KRT27: variants seen among roughly 807,000 people sequenced by gnomAD.
The protein encoded by KRT27 is keratin, type I cytoskeletal 27.
A neutral mutation model predicts 45.3 loss-of-function variants in KRT27; 30 were observed. The observed-to-expected ratio is 0.66, with a 90% CI of 0.50 to 0.90. The LOEUF is 0.90. Among genes scored for constraint, KRT27 ranks in the 40% least tolerant of loss-of-function variants. The pLI is 0.00. For synonymous variants in KRT27, 204 were observed against 223.9 expected, an observed-to-expected ratio of 0.91 and a Z score of 0.79; for missense variants, 610 against 564.3, an observed-to-expected ratio of 1.08 and a Z score of -0.82.
intron 3 of KRT27, 41 bp downstream of exon 3, chr17:40,780,259 T>C (rs770316660): frequency 4.5e-6 from 7 of 1,553,000 alleles, no homozygotes; most frequent in African/African-American, 1.4e-5. Flanking sequence ...TAAAATTTGG[T>C]AGGGAGGCGA....
intron 1 of KRT27, 139 bp downstream of exon 1, chr17:40,781,911 T>C: frequency 1.6e-6 from 1 of 644,962 alleles, no homozygotes; most frequent in Non-Finnish European, 2.6e-6. Flanking sequence ...TAGAAATTAT[T>C]TTTAATATTG....
chr17:40,777,422 C>T lies in KRT27; in HGVS notation c.1190+93G>A, dbSNP rs1185346496. Reference sequence around the variant, plus strand: ...TAACACTAAAAGAGTATTATCTATGCGTGATCTAGATCATAGATATTTTGT... The same window carrying T: ...TAACACTAAAAGAGTATTATCTATGTGTGATCTAGATCATAGATATTTTGT... On this transcript the variant is annotated intron_variant, in intron 6 of 7. Transcript: ENST00000301656. The T allele has an allele frequency of 6.6e-6, 10 of 1,508,674 alleles. No individual in the cohort carries two copies. The East Asian group carries it at 1.1e-4, about 17-fold the overall frequency. The allele number at this position is 1,508,674 out of a possible 1,614,324, so 93.5% of individuals were successfully genotyped here. A position where few individuals can be genotyped will look rare whatever the true frequency, so the allele number is the denominator to read the frequency against.
In KRT27 at chr17:40,777,750, A is replaced by G. The variant is rs138473510; in HGVS notation, c.973-18T>C. 65 of 1,612,204 alleles carry G rather than the reference A, an allele frequency of 4.0e-5. No homozygotes were observed. The highest frequency in any genetic ancestry group is 3.3e-4 in the Middle Eastern group (2 of 6,048). On this transcript the variant is annotated intron_variant, in intron 5 of 7. Transcript: ENST00000301656. ...GAGTGTTTCTGTAGTTTGGTAAGAC[A>G]TGGTTTAATAGAAAAGGTCACGGTG...
At chr17:40,781,565 G>A (rs1016699425) in intron 1 of KRT27, among the ~76,000 whole-genome samples, 3 of 152,220 alleles carry the variant, frequency 2.0e-5, no homozygotes, top group African/African-American at 7.2e-5. Context: ...AAGTAGCTGG[G>A]ATTACAGGCA....
chr17:40,781,057 C>A lies in KRT27; in HGVS notation c.527+131G>T, dbSNP rs150246417. ...TCAGCTAGTTACTCATTCTAACAGG[C>A]ATTTTGTTTAAAACAAATACATGAA... On this transcript the variant is annotated intron_variant, in intron 2 of 7. Transcript: ENST00000301656. 4.6e-3 allele frequency: 2,445 copies of A among 530,778 alleles called. 11 individuals carry two copies. The highest frequency in any genetic ancestry group is 5.5e-3 in the Non-Finnish European group (1,695 of 306,262). The allele number at this position is 530,778 out of a possible 1,614,324, so 32.9% of individuals were successfully genotyped here. A position where few individuals can be genotyped will look rare whatever the true frequency, so the allele number is the denominator to read the frequency against.
intron 5 of KRT27, among the ~76,000 whole-genome samples, chr17:40,778,189 A>G (rs2038280889): frequency 6.6e-6 from 1 of 152,248 alleles, no homozygotes; most frequent in Non-Finnish European, 1.5e-5. Context: ...TAAACGTTCC[A>G]TGAGTAGAAT....
intron 1 of KRT27, 41 bp from the exon 2 acceptor site, chr17:40,781,311 A>C: frequency 8.4e-7 from 1 of 1,184,188 alleles, no homozygotes; most frequent in East Asian, 2.3e-5. Context: ...GAAATATTTA[A>C]GATGCATTTC....
At position 40,782,362 on chromosome 17, in the gene KRT27, G is replaced by C. The variant is rs1390784533; in HGVS notation, c.132C>G (p.Gly44=). 4 of 1,613,994 alleles carry C rather than the reference G, an allele frequency of 2.5e-6. No homozygotes were observed. Among genetic ancestry groups the C allele is most frequent in the Non-Finnish European group, 3.4e-6 (4 of 1,180,032 alleles). ...AGCTGCCCCCAAAAGCACAAGAGAA[G>C]CCACTTCCAATGCCTGGCACACCGC... ...NTCGVPGIGS[G]FSCAFGGSSS... is the part of the protein sequence containing the mutation. Residue 44 remains glycine, a synonymous_variant, in exon 1 of 8, where the codon GGC becomes GGG. Coordinates refer to ENST00000301656, the MANE Select transcript of KRT27 (RefSeq NM_181537.4).
rs1490767569 is a variant in KRT27 at position 40,777,047 on chromosome 17, C to G, written c.1332G>C (p.Glu444Asp). 1 of 1,613,700 alleles carries G rather than the reference C, an allele frequency of 6.2e-7. No individual in the cohort carries two copies. Among genetic ancestry groups the G allele is most frequent in the Non-Finnish European group, 8.5e-7 (1 of 1,179,748 alleles). ...VLSSRVHTVE[E>D]KSTKVNNKNE... Reference sequence around the variant, plus strand: ...TCTTGTTGTTGACTTTGGTGGATTTCTCTTCCACAGTGTGAACTCTGGATG... The same window carrying G: ...TCTTGTTGTTGACTTTGGTGGATTTGTCTTCCACAGTGTGAACTCTGGATG... Residue 444 changes from glutamate (E) to aspartate (D), a missense_variant, in exon 8 of 8, where the codon GAG (glutamate) becomes GAC (aspartate). Glu to Asp is a conservative substitution (Grantham distance 45). Transcript: ENST00000301656.
intron 1 of KRT27, 43 bp from the exon 2 acceptor site, chr17:40,781,313 ATG>A: frequency 8.6e-7 from 1 of 1,162,250 alleles, no homozygotes; most frequent in Non-Finnish European, 1.3e-6. Context: ...AATATTTAAG[ATG>A]CATTTCAAAG....
chr17:40,777,964 T>A, intron 5 of KRT27: 1 of 540,978 alleles, frequency 1.8e-6, no homozygotes, highest in Non-Finnish European at 3.3e-6. Flanking sequence ...CCAGGTGTGC[T>A]AAAAAAGATG....
chr17:40,782,028 C>G, intron 1 of KRT27, 22 bp downstream of exon 1: 1 of 1,593,642 alleles, frequency 6.3e-7, no homozygotes. Context: ...AGTGCTAACA[C>G]TCACGCCATG....
rs974305827 is a variant in KRT27, at chr17:40,776,852, A to G, written c.*147T>C. ...CTTTTATTGAAACACCACCATAGAG[A>G]AAAAGCCAAAGAAATGGTACTATTC... On this transcript the variant is annotated 3_prime_UTR_variant, in exon 8 of 8. Transcript: ENST00000301656. The G allele has an allele frequency of 1.2e-5, 8 of 675,766 alleles. No individual in the cohort carries two copies. The highest frequency in any genetic ancestry group is 3.3e-5 in the Admixed American group (1 of 30,630). 41.9% of individuals were successfully genotyped at this position (675,766 alleles called of 1,614,324 possible).
In KRT27 at chr17:40,781,277, A is replaced by C. The variant is rs781027383; in HGVS notation, c.445-7T>G. On this transcript the variant is annotated splice_polypyrimidine_tract_variant and splice_region_variant and intron_variant, in intron 1 of 7. Transcript: ENST00000301656. ...TGGTAGTTGCAGAAATTATCTGACA[A>C]ATGAAAAGTTAGTTAAGATTGAGGA... 8 of 1,567,944 alleles carry C rather than the reference A, an allele frequency of 5.1e-6. No individual in the cohort carries two copies. The Admixed American group carries it at 1.4e-4, about 26-fold the overall frequency.
At chr17:40,777,989 T>C (rs1364704103) in intron 5 of KRT27, 4 of 479,664 alleles carry the variant, frequency 8.3e-6, no homozygotes, top group Admixed American at 6.8e-5. Flanking sequence ...TGTCTCTTCA[T>C]AGGGCACAGA....
intron 5 of KRT27, 141 bp downstream of exon 5, chr17:40,779,361 G>T: frequency 9.5e-7 from 1 of 1,050,208 alleles, no homozygotes; most frequent in Non-Finnish European, 1.3e-6. Flanking sequence ...ATTGTCATGT[G>T]CAAAATGCAA....
intron 5 of KRT27, among the ~76,000 whole-genome samples, chr17:40,778,908 A>G (rs951870347): frequency 6.6e-6 from 1 of 152,152 alleles, no homozygotes; most frequent in Non-Finnish European, 1.5e-5. Flanking sequence ...ATTTCAAAAC[A>G]CACAATGTGT....
At chr17:40,777,423 G>C in intron 6 of KRT27, 92 bp downstream of exon 6, 3 of 1,511,994 alleles carry the variant, frequency 2.0e-6, no homozygotes, top group Non-Finnish European at 2.7e-6. Flanking sequence ...TTATCTATGC[G>C]TGATCTAGAT....
At chr17:40,777,491 T>A in intron 6 of KRT27, 24 bp downstream of exon 6, 3 of 1,610,796 alleles carry the variant, frequency 1.9e-6, no homozygotes, top group Admixed American at 1.7e-5. Context: ...AATGAATTGT[T>A]TTCTCAATGG....
Sources: allele counts gnomAD v4.1 joint callset (sites outside exome capture counted in the v4.1 genomes callset), GRCh38; gene constraint gnomAD v4.1.1; transcripts MANE v1.5; gene names NCBI Gene and HGNC (gene_info 2026-07-23, HGNC 2026-07-21).